PXDNL: variants seen among roughly 807,000 people sequenced by gnomAD.
PXDNL encodes the protein probable oxidoreductase PXDNL.
PXDNL carries 145 observed loss-of-function variants against 150.8 expected under a neutral mutation model. The observed-to-expected ratio is 0.96, with a 90% CI of 0.84 to 1.10. The LOEUF (loss-of-function observed/expected upper bound fraction) is 1.10, where lower values mean the gene tolerates loss of function less well. Among genes scored for constraint, PXDNL ranks in the 50% least tolerant of loss-of-function variants. The pLI, the probability that PXDNL is intolerant of heterozygous loss-of-function variation, is 0.00. For synonymous variants in PXDNL, 757 were observed against 725.7 expected (o/e 1.04, Z -0.69); for missense variants, 2,087 against 1,873.9 (o/e 1.11, Z -2.10).
At chr8:51,744,051 AAGGAAGGAAG>A (rs2036939213) in intron 1 of PXDNL, among the ~76,000 whole-genome samples, 2 of 49,324 alleles carry the variant, frequency 4.1e-5, no homozygotes, top group South Asian at 9.0e-4. Context: ...GGAAGGAAGG[AAGGAAGGAAG>A]GAAGGAAGGA....
chr8:51,683,164 CATATATATAT>C (rs71237228), intron 1 of PXDNL, among the ~76,000 whole-genome samples: 2,860 of 44,466 alleles, frequency 0.064, 270 homozygotes, highest in African/African-American at 0.19. Flanking sequence ...AATTGTCTTT[CATATATATAT>C]ATATATATAT....
intron 2 of PXDNL, among the ~76,000 whole-genome samples, chr8:51,617,498 T>C (rs954450861): frequency 4.6e-5 from 7 of 152,230 alleles, no homozygotes; most frequent in African/African-American, 1.2e-4. Context: ...CCAAAAAGAA[T>C]GCTGGATTTC....
At chr8:51,596,092 C>G (rs1813559301) in intron 2 of PXDNL, among the ~76,000 whole-genome samples, 1 of 152,124 alleles carries the variant, frequency 6.6e-6, no homozygotes, top group African/African-American at 2.4e-5. Context: ...TATTGTTGCC[C>G]TCATTATGTC....
chr8:51,755,668 A>G (rs1198442777), intron 1 of PXDNL, among the ~76,000 whole-genome samples: 1 of 152,228 alleles, frequency 6.6e-6, no homozygotes, highest in Non-Finnish European at 1.5e-5. Context: ...CACATAACTC[A>G]TAAATGTTCA....
At chr8:51,785,407 G>A (rs771407614) in intron 1 of PXDNL, among the ~76,000 whole-genome samples, 1 of 152,100 alleles carries the variant, frequency 6.6e-6, no homozygotes, top group Non-Finnish European at 1.5e-5. Flanking sequence ...TTTGTCTTAC[G>A]GTGCTTTGCT....
intron 3 of PXDNL, among the ~76,000 whole-genome samples, chr8:51,585,768 A>G (rs1813310111): frequency 6.6e-6 from 1 of 152,094 alleles, no homozygotes; most frequent in Admixed American, 6.6e-5. Flanking sequence ...CCATTCATTA[A>G]AAGATACTTG....
chr8:51,612,009 A>T (rs1298238477), intron 2 of PXDNL, among the ~76,000 whole-genome samples: 1 of 152,198 alleles, frequency 6.6e-6, no homozygotes, highest in Non-Finnish European at 1.5e-5. Context: ...TCACTCTGCT[A>T]TGCTTCCCCT....
In PXDNL at chr8:51,371,986, C is replaced by T. The variant is rs375491436; in HGVS notation, c.3788G>A (p.Ser1263Asn). Residue 1263 changes from serine (S) to asparagine (N), a missense_variant, in exon 19 of 23, where the codon AGC becomes AAC. Transcript: ENST00000356297. ...LSRVLCDNGD[S>N]IQQVQADVFV... The stretch of plus-strand genomic sequence containing the variant: ...GACATCAGCCTGCACTTGCTGAATG[C>T]TGTCACCATTGTCACAAAGCACCCG... 9 of 1,613,724 alleles carry T rather than the reference C, an allele frequency of 5.6e-6. No homozygotes were observed. The highest frequency in any genetic ancestry group is 1.7e-5 in the Admixed American group (1 of 60,010).
intron 20 of PXDNL, among the ~76,000 whole-genome samples, chr8:51,343,590 A>C (rs2130693435): frequency 6.6e-6 from 1 of 152,306 alleles, no homozygotes; most frequent in East Asian, 1.9e-4. Flanking sequence ...TAATAAGTTA[A>C]TTTTATCTCA....
intron 21 of PXDNL, among the ~76,000 whole-genome samples, chr8:51,335,403 A>G (rs1805804224): frequency 6.6e-6 from 1 of 152,150 alleles, no homozygotes; most frequent in Non-Finnish European, 1.5e-5. Flanking sequence ...CAGCAGATGC[A>G]TAAAGGAGGG....
intron 21 of PXDNL, among the ~76,000 whole-genome samples, chr8:51,322,148 G>A (rs573837195): frequency 7.9e-5 from 12 of 152,216 alleles, no homozygotes; most frequent in Non-Finnish European, 1.5e-4. Context: ...CACTTTGATC[G>A]TGGACTTTCA....
chr8:51,550,236 C>T (rs1326847700), intron 4 of PXDNL, among the ~76,000 whole-genome samples: 1 of 152,178 alleles, frequency 6.6e-6, no homozygotes, highest in Non-Finnish European at 1.5e-5. Flanking sequence ...GATGGATTCA[C>T]AGCTGAATTC....
intron 17 of PXDNL, among the ~76,000 whole-genome samples, chr8:51,384,521 T>G (rs1807643016): frequency 6.6e-6 from 1 of 151,004 alleles, no homozygotes; most frequent in Admixed American, 6.7e-5. Context: ...TCAAAAATCT[T>G]AAGGACATCA....
intron 8 of PXDNL, among the ~76,000 whole-genome samples, chr8:51,468,819 G>T (rs1223000238): frequency 6.6e-6 from 1 of 151,932 alleles, no homozygotes; most frequent in Non-Finnish European, 1.5e-5. Context: ...AATGAGGCAT[G>T]TAAAATAATT....
intron 1 of PXDNL, among the ~76,000 whole-genome samples, chr8:51,680,617 G>T (rs564282539): frequency 1.3e-5 from 2 of 152,114 alleles, no homozygotes; most frequent in Non-Finnish European, 2.9e-5. Flanking sequence ...GGAAAAAAAC[G>T]CCAGTAAATC....
intron 1 of PXDNL, among the ~76,000 whole-genome samples, chr8:51,742,659 CA>C (rs967434323): frequency 6.6e-6 from 1 of 150,644 alleles, no homozygotes; most frequent in African/African-American, 2.4e-5. Context: ...TATATATAAA[CA>C]ATATAAAAAT....
intron 10 of PXDNL, among the ~76,000 whole-genome samples, chr8:51,449,786 C>G (rs1377776307): frequency 6.6e-6 from 1 of 152,156 alleles, no homozygotes; most frequent in Admixed American, 6.5e-5. Context: ...CCCAGTAACG[C>G]CTAAGTGATC....
intron 1 of PXDNL, among the ~76,000 whole-genome samples, chr8:51,723,520 T>C (rs1816768898): frequency 6.6e-6 from 1 of 152,148 alleles, no homozygotes; most frequent in African/African-American, 2.4e-5. Flanking sequence ...GTCCAGAATG[T>C]TAGGAAAGGC....
intron 2 of PXDNL, among the ~76,000 whole-genome samples, chr8:51,600,956 A>AT (rs1254484775): frequency 2.8e-5 from 4 of 144,576 alleles, no homozygotes; most frequent in Non-Finnish European, 6.0e-5. Context: ...TATATCTTCT[A>AT]TAAATTATAT....
Sources: gnomAD v4.1 joint callset for allele counts (sites outside exome capture counted in the v4.1 genomes callset) on GRCh38, gnomAD v4.1.1 for gene constraint, MANE v1.5 for transcripts, NCBI Gene and HGNC (gene_info 2026-07-23, HGNC 2026-07-21) for gene names.